The following ARHGAP24 variants were observed in gnomAD, a reference collection of about 807,000 sequenced individuals.
The protein encoded by ARHGAP24 is Rho GTPase activating protein 24.
A neutral mutation model predicts 76.4 loss-of-function variants in ARHGAP24; 50 were observed. The ratio of observed to expected loss-of-function variants is 0.65; its 90% CI spans 0.52 to 0.83. ARHGAP24 has a LOEUF of 0.83. Ranked by LOEUF, ARHGAP24 falls within the 40% of genes least tolerant of loss-of-function variation. The pLI, the probability that ARHGAP24 is intolerant of heterozygous loss-of-function variation, is 0.00. For missense variants in ARHGAP24, 930 were observed against 914.2 expected (o/e 1.02, Z -0.22); for synonymous variants, 345 against 323.3 (o/e 1.07, Z -0.72).
chr4:85,716,028 A>G (rs1724721498), intron 2 of ARHGAP24, among the ~76,000 whole-genome samples: 1 of 152,034 alleles, frequency 6.6e-6, no homozygotes, highest in Non-Finnish European at 1.5e-5. Flanking sequence ...AAATGGACAT[A>G]TATTGTCAAG....
intron 3 of ARHGAP24, among the ~76,000 whole-genome samples, chr4:85,747,682 T>G (rs183079299): frequency 1.4e-4 from 21 of 150,498 alleles, no homozygotes; most frequent in African/African-American, 4.4e-4. Context: ...CAGCCTGGGC[T>G]ACAGAGCTAG....
intron 1 of ARHGAP24, among the ~76,000 whole-genome samples, chr4:85,567,668 C>T (rs1726900653): frequency 6.6e-6 from 1 of 152,036 alleles, no homozygotes. Context: ...ATCTGATGTC[C>T]CTACACTTAT....
intron 1 of ARHGAP24, among the ~76,000 whole-genome samples, chr4:85,557,063 G>T (rs575734561): frequency 4.3e-4 from 65 of 152,322 alleles, no homozygotes; most frequent in Non-Finnish European, 3.7e-4. Flanking sequence ...AGCAACAGGA[G>T]GGTGGGTTGC....
chr4:85,782,561 G>T (rs1426456068), intron 3 of ARHGAP24, among the ~76,000 whole-genome samples: 1 of 152,188 alleles, frequency 6.6e-6, no homozygotes, highest in East Asian at 1.9e-4. Flanking sequence ...CTAGAATTCA[G>T]TGAGCAAGAT....
intron 3 of ARHGAP24, among the ~76,000 whole-genome samples, chr4:85,871,564 T>G (rs75842224): frequency 0.025 from 3,738 of 152,242 alleles, 164 homozygotes; most frequent in African/African-American, 0.086. Flanking sequence ...CCAATACAAC[T>G]TCCCCTTATT....
intron 2 of ARHGAP24, among the ~76,000 whole-genome samples, chr4:85,649,853 T>C (rs1413900122): frequency 6.6e-6 from 1 of 152,200 alleles, no homozygotes; most frequent in Non-Finnish European, 1.5e-5. Context: ...TGATCTTGTA[T>C]TTTTTGATAT....
rs569993160 is a variant in ARHGAP24, at chr4:85,573,113, A to G, written c.180+2392A>G. On this transcript the variant is annotated intron_variant, in intron 2 of 9. Coordinates refer to ENST00000395184, the MANE Select transcript of ARHGAP24 (RefSeq NM_001025616.3). ...GCTGGTCTTGAACTCCTGACCTCAG[A>G]TGATCCACCTGCCTCAGCCTCCCAA... 2.4e-4 allele frequency among the ~76,000 whole-genome samples: 37 copies of G among 152,100 alleles called. 1 individual carries two copies. The East Asian group carries it at 7.2e-3, about 29-fold the overall frequency.
In ARHGAP24 at chr4:85,502,082, A is replaced by G. The variant is rs1256949613; in HGVS notation, c.-21+26523A>G. ...CCTCTGTTCTGTTCCATTGGTCTAT[A>G]TCTCTGTTTTGGTACCAATACCATG... On this transcript the variant is annotated intron_variant, in intron 1 of 9. Coordinates refer to ENST00000395184, the MANE Select transcript of ARHGAP24 (RefSeq NM_001025616.3). Among the ~76,000 whole-genome samples the G allele has an allele frequency of 2.6e-5, 4 of 152,206 alleles. No homozygotes were observed. In the East Asian group the frequency reaches 5.8e-4, roughly 22 times the overall value.
chr4:85,718,179 T>C (rs905792385), intron 2 of ARHGAP24, among the ~76,000 whole-genome samples: 1 of 152,114 alleles, frequency 6.6e-6, no homozygotes, highest in Non-Finnish European at 1.5e-5. Context: ...ATGTTCCTTA[T>C]AAGACAAAAA....
intron 3 of ARHGAP24, among the ~76,000 whole-genome samples, chr4:85,806,508 C>T (rs998525394): frequency 6.6e-6 from 1 of 152,146 alleles, no homozygotes; most frequent in African/African-American, 2.4e-5. Context: ...CTTTAGAAAG[C>T]AGTCTGCACA....
chr4:85,482,692 G>A (rs1035752780), intron 1 of ARHGAP24, among the ~76,000 whole-genome samples: 6 of 152,190 alleles, frequency 3.9e-5, no homozygotes, highest in Admixed American at 1.3e-4. Flanking sequence ...CCATTCCTAT[G>A]TAAGAATAGA....
intron 1 of ARHGAP24, among the ~76,000 whole-genome samples, chr4:85,535,716 C>T (rs147638924): frequency 4.2e-4 from 64 of 152,174 alleles, no homozygotes; most frequent in African/African-American, 6.7e-4. Context: ...GCTTCTACAA[C>T]GTGGTTTTGT....
At chr4:85,542,757 G>C (rs953879931) in intron 1 of ARHGAP24, among the ~76,000 whole-genome samples, 1 of 152,156 alleles carries the variant, frequency 6.6e-6, no homozygotes, top group African/African-American at 2.4e-5. Context: ...AGGTAATTGA[G>C]AGACATATTG....
chr4:85,755,213 T>C (rs1013560194), intron 3 of ARHGAP24, among the ~76,000 whole-genome samples: 1 of 152,334 alleles, frequency 6.6e-6, no homozygotes, highest in Non-Finnish European at 1.5e-5. Context: ...AATGTAACTT[T>C]TTTTTCTTAT....
rs896394822 is a variant in ARHGAP24, at chr4:85,637,423, T to G, written c.180+66702T>G. Among the ~76,000 whole-genome samples the G allele has an allele frequency of 2.6e-5, 4 of 152,248 alleles. No individual in the cohort carries two copies. The East Asian group carries it at 7.7e-4, about 29-fold the overall frequency. The stretch of plus-strand genomic sequence containing the variant: ...AGGTTAATTGATATATCTTTAGGTA[T>G]TCATTCAACTACACTGATTTTCGAA... On this transcript the variant is annotated intron_variant, in intron 2 of 9. Coordinates refer to ENST00000395184, the MANE Select transcript of ARHGAP24 (RefSeq NM_001025616.3).
chr4:85,860,988 C>A (rs1311262323), intron 3 of ARHGAP24, among the ~76,000 whole-genome samples: 2 of 144,750 alleles, frequency 1.4e-5, no homozygotes, highest in African/African-American at 5.5e-5. Flanking sequence ...ATATATTATT[C>A]TGTGCATGCA....
intron 2 of ARHGAP24, among the ~76,000 whole-genome samples, chr4:85,616,418 GAC>G: frequency 6.6e-6 from 1 of 152,210 alleles, no homozygotes; most frequent in Admixed American, 6.5e-5. Flanking sequence ...ATGATCTTAT[GAC>G]TCTCTTATTT....
At chr4:85,744,090 G>C (rs1725936780) in intron 3 of ARHGAP24, among the ~76,000 whole-genome samples, 1 of 152,134 alleles carries the variant, frequency 6.6e-6, no homozygotes, top group Non-Finnish European at 1.5e-5. Flanking sequence ...TCATCCATTT[G>C]TAGATGCATC....
intron 3 of ARHGAP24, among the ~76,000 whole-genome samples, chr4:85,815,036 C>A (rs1367351172): frequency 6.6e-6 from 1 of 152,080 alleles, no homozygotes; most frequent in East Asian, 1.9e-4. Flanking sequence ...CATCTGAAGC[C>A]ATGGCCCGAG....
Sources: allele counts gnomAD v4.1 joint callset (sites outside exome capture counted in the v4.1 genomes callset), GRCh38; gene constraint gnomAD v4.1.1; transcripts MANE v1.5; gene names NCBI Gene and HGNC (gene_info 2026-07-23, HGNC 2026-07-21).